The following ADK variants were observed in gnomAD, a reference collection of about 807,000 sequenced individuals.
The protein encoded by ADK is N6,N6-dimethyladenosine kinase.
A neutral mutation model predicts 44.7 loss-of-function variants in ADK; 24 were observed. The ratio of observed to expected loss-of-function variants is 0.54; its 90% CI spans 0.39 to 0.76. ADK has a LOEUF of 0.76. ADK is among the 30% of genes least tolerant of loss of function. The pLI is 0.00. For synonymous variants in ADK, 128 were observed against 142.6 expected (o/e 0.90, Z 0.73); for missense variants, 321 against 425.1 (o/e 0.76, Z 2.15).
intron 4 of ADK, among the ~76,000 whole-genome samples, chr10:74,331,538 C>A (rs904671088): frequency 1.3e-5 from 2 of 152,180 alleles, no homozygotes; most frequent in Non-Finnish European, 2.9e-5. Flanking sequence ...GGCTGGAGTG[C>A]AGTGGCACGA....
In ADK at chr10:74,416,787, G is replaced by T. The variant is rs367654294; in HGVS notation, c.555+18208G>T. Among the ~76,000 whole-genome samples the T allele has an allele frequency of 2.8e-4, 43 of 151,792 alleles. No individual in the cohort carries two copies. The East Asian group carries it at 5.0e-3, about 18-fold the overall frequency. ...TAACAAGATTATTTAAGGTTATTTT[G>T]TATTACAGAAATAGTAAAAATCAAA... On this transcript the variant is annotated intron_variant, in intron 6 of 10. Transcript: ENST00000539909.
At chr10:74,154,122 G>C (rs1029597293) in intron 1 of ADK, among the ~76,000 whole-genome samples, 6 of 152,060 alleles carry the variant, frequency 3.9e-5, no homozygotes, top group Non-Finnish European at 7.4e-5. Flanking sequence ...TTGTTTGGTG[G>C]CAGAACTGGG....
intron 7 of ADK, among the ~76,000 whole-genome samples, chr10:74,569,817 CT>C (rs1355311129): frequency 6.6e-6 from 1 of 152,160 alleles, no homozygotes. Context: ...GTTGCCATTG[CT>C]TTTGGTGTCT....
intron 10 of ADK, among the ~76,000 whole-genome samples, chr10:74,677,945 C>G (rs1054390081): frequency 1.9e-5 from 2 of 107,708 alleles, no homozygotes; most frequent in South Asian, 3.4e-4. Flanking sequence ...CTGCACAGCA[C>G]AGTGAGACCC....
intron 7 of ADK, among the ~76,000 whole-genome samples, chr10:74,529,061 AC>A (rs946050858): frequency 6.6e-6 from 1 of 152,178 alleles, no homozygotes; most frequent in African/African-American, 2.4e-5. Flanking sequence ...ATAATTGTAC[AC>A]CAATGTCCAT....
intron 4 of ADK, among the ~76,000 whole-genome samples, chr10:74,371,090 A>G (rs980605583): frequency 9.2e-5 from 14 of 152,340 alleles, no homozygotes; most frequent in African/African-American, 3.4e-4. Flanking sequence ...TTATAAGTAT[A>G]TACTAGCTAT....
intron 4 of ADK, among the ~76,000 whole-genome samples, chr10:74,347,801 A>G (rs1841829317): frequency 6.6e-6 from 1 of 152,086 alleles, no homozygotes; most frequent in Non-Finnish European, 1.5e-5. Flanking sequence ...GGTGGCGGGG[A>G]GGTTTGAACC....
chr10:74,526,797 T>C (rs918131904), intron 7 of ADK, among the ~76,000 whole-genome samples: 1 of 152,240 alleles, frequency 6.6e-6, no homozygotes, highest in African/African-American at 2.4e-5. Flanking sequence ...ATATAACTGC[T>C]AGAAGCCTAA....
intron 9 of ADK, among the ~76,000 whole-genome samples, chr10:74,633,814 T>A (rs746729784): frequency 6.6e-6 from 1 of 152,238 alleles, no homozygotes; most frequent in African/African-American, 2.4e-5. Context: ...ACTCTTTCTC[T>A]AGGGCCAGCC....
chr10:74,430,764 A>C (rs1257806631), intron 6 of ADK, among the ~76,000 whole-genome samples: 1 of 151,872 alleles, frequency 6.6e-6, no homozygotes, highest in African/African-American at 2.4e-5. Context: ...AAGGAAGTGA[A>C]GAAAAAAGCC....
At chr10:74,654,553 A>G (rs1713147959) in intron 9 of ADK, among the ~76,000 whole-genome samples, 1 of 152,226 alleles carries the variant, frequency 6.6e-6, no homozygotes, top group Admixed American at 6.5e-5. Flanking sequence ...GCACATGCCT[A>G]TAATCCCAGC....
chr10:74,292,160 C>T (rs1320888059), intron 3 of ADK, among the ~76,000 whole-genome samples: 1 of 152,132 alleles, frequency 6.6e-6, no homozygotes, highest in African/African-American at 2.4e-5. Context: ...TTTGGGAGCT[C>T]AGTATTGTCT....
At chr10:74,451,155 G>T in intron 6 of ADK, among the ~76,000 whole-genome samples, 1 of 116,852 alleles carries the variant, frequency 8.6e-6, no homozygotes. Context: ...TTTATTTCAT[G>T]ATTTTTTTTT....
intron 4 of ADK, among the ~76,000 whole-genome samples, chr10:74,393,161 AT>A (rs1471983338): frequency 6.6e-6 from 1 of 152,076 alleles, no homozygotes; most frequent in Non-Finnish European, 1.5e-5. Context: ...TCAAATATGC[AT>A]GTATTTCTTT....
At chr10:74,370,751 A>G (rs1216813152) in intron 4 of ADK, among the ~76,000 whole-genome samples, 2 of 152,026 alleles carry the variant, frequency 1.3e-5, no homozygotes, top group African/African-American at 4.8e-5. Flanking sequence ...TTTTAAAAAA[A>G]TACAATTTAG....
chr10:74,692,126 C>T (rs1173257994), intron 10 of ADK, among the ~76,000 whole-genome samples: 1 of 152,172 alleles, frequency 6.6e-6, no homozygotes, highest in African/African-American at 2.4e-5. Context: ...ACATATCTTT[C>T]ACTAGGTGAA....
intron 6 of ADK, among the ~76,000 whole-genome samples, chr10:74,471,810 T>G (rs1419010637): frequency 6.6e-6 from 1 of 152,186 alleles, no homozygotes; most frequent in Non-Finnish European, 1.5e-5. Context: ...GGTTGTTCAT[T>G]GTTAGTATTT....
At chr10:74,657,563 G>A (rs1221633676) in intron 9 of ADK, among the ~76,000 whole-genome samples, 1 of 152,156 alleles carries the variant, frequency 6.6e-6, no homozygotes, top group Admixed American at 6.5e-5. Flanking sequence ...TACTACTTAA[G>A]ATCAGCCAGA....
At chr10:74,663,455 G>A (rs1006898915) in intron 9 of ADK, among the ~76,000 whole-genome samples, 1 of 151,830 alleles carries the variant, frequency 6.6e-6, no homozygotes, top group African/African-American at 2.4e-5. Context: ...GCCCGAACTA[G>A]ACTAAAACTA....
Sources: gnomAD v4.1 joint callset for allele counts (sites outside exome capture counted in the v4.1 genomes callset) on GRCh38, gnomAD v4.1.1 for gene constraint, MANE v1.5 for transcripts, NCBI Gene and HGNC (gene_info 2026-07-23, HGNC 2026-07-21) for gene names.